ATXN1: variants seen among roughly 807,000 people sequenced by gnomAD.
ATXN1 encodes ataxin-1.
In ATXN1, 8 loss-of-function variants were observed where a neutral mutation model predicts 56.4. The observed-to-expected ratio is 0.14, with a 90% confidence interval of 0.08 to 0.26. ATXN1 has a LOEUF of 0.26. ATXN1 is among the 10% of genes least tolerant of loss of function. ATXN1 has a pLI of 1.00. For synonymous variants in ATXN1, 514 were observed against 494.6 expected (o/e 1.04, Z -0.52); for missense variants, 987 against 1,106.5 (o/e 0.89, Z 1.53).
intron 5 of ATXN1, among the ~76,000 whole-genome samples, chr6:16,519,740 TG>T (rs1761250671): frequency 6.6e-6 from 1 of 152,160 alleles, no homozygotes; most frequent in African/African-American, 2.4e-5. Context: ...TCCTTTCAAT[TG>T]CTAAGACAGG....
At chr6:16,419,467 T>A (rs1462918105) in intron 6 of ATXN1, among the ~76,000 whole-genome samples, 1 of 151,862 alleles carries the variant, frequency 6.6e-6, no homozygotes, top group Non-Finnish European at 1.5e-5. Context: ...TAAATATTTT[T>A]ATAATATTTT....
chr6:16,675,374 G>A (rs1460936762), intron 2 of ATXN1, among the ~76,000 whole-genome samples: 3 of 152,084 alleles, frequency 2.0e-5, no homozygotes, highest in Non-Finnish European at 4.4e-5. Context: ...ACATGACTGA[G>A]GATCTAAGAG....
At chr6:16,466,699 A>G (rs936168630) in intron 6 of ATXN1, among the ~76,000 whole-genome samples, 7 of 151,998 alleles carry the variant, frequency 4.6e-5, no homozygotes, top group East Asian at 1.9e-4. Flanking sequence ...ATTTATTTGT[A>G]TATATATATA....
intron 2 of ATXN1, among the ~76,000 whole-genome samples, chr6:16,665,397 T>C (rs1758403691): frequency 6.6e-6 from 1 of 152,192 alleles, no homozygotes; most frequent in Admixed American, 6.5e-5. Flanking sequence ...ACACATTTCA[T>C]TACACAATAT....
At chr6:16,649,544 G>A (rs1040061432) in intron 3 of ATXN1, among the ~76,000 whole-genome samples, 1 of 152,232 alleles carries the variant, frequency 6.6e-6, no homozygotes, top group Non-Finnish European at 1.5e-5. Flanking sequence ...TGAAGCTGAA[G>A]CAATTCTATC....
intron 4 of ATXN1, among the ~76,000 whole-genome samples, chr6:16,530,606 G>A (rs1200990197): frequency 6.6e-6 from 1 of 152,170 alleles, no homozygotes; most frequent in African/African-American, 2.4e-5. Flanking sequence ...CTACTGGAGG[G>A]TGGAGGTGGG....
chr6:16,307,159 CA>C (rs1760270274), intron 7 of ATXN1, among the ~76,000 whole-genome samples: 1 of 152,242 alleles, frequency 6.6e-6, no homozygotes, highest in Admixed American at 6.5e-5. Context: ...TAGAACCAGT[CA>C]ATCGAACCCC....
At chr6:16,468,011 A>G (rs1760141330) in intron 6 of ATXN1, among the ~76,000 whole-genome samples, 1 of 152,168 alleles carries the variant, frequency 6.6e-6, no homozygotes, top group African/African-American at 2.4e-5. Context: ...TACCTATTAA[A>G]TAGGGAATTA....
At chr6:16,526,379 A>T (rs908035748) in intron 4 of ATXN1, among the ~76,000 whole-genome samples, 8 of 152,232 alleles carry the variant, frequency 5.3e-5, no homozygotes, top group African/African-American at 1.7e-4. Context: ...AAAAAGCCTT[A>T]ACAGCAAAAA....
chr6:16,728,675 T>A (rs1759903575), intron 2 of ATXN1, among the ~76,000 whole-genome samples: 4 of 152,190 alleles, frequency 2.6e-5, no homozygotes, highest in Non-Finnish European at 5.9e-5. Context: ...TCTTAGTCCT[T>A]ACATTGACTA....
intron 5 of ATXN1, among the ~76,000 whole-genome samples, chr6:16,490,027 T>C (rs1288254141): frequency 6.6e-6 from 1 of 151,548 alleles, no homozygotes; most frequent in East Asian, 1.9e-4. Flanking sequence ...TTCTGTCAAT[T>C]ACAGGGCCAG....
At chr6:16,394,824 C>T (rs947054569) in intron 6 of ATXN1, among the ~76,000 whole-genome samples, 1 of 152,136 alleles carries the variant, frequency 6.6e-6, no homozygotes. Flanking sequence ...TTTATGACTG[C>T]ATTTTCCACG....
chr6:16,693,636 T>C (rs957166397), intron 2 of ATXN1, among the ~76,000 whole-genome samples: 2 of 152,022 alleles, frequency 1.3e-5, no homozygotes, highest in African/African-American at 4.8e-5. Context: ...ATTAACTACC[T>C]CCTTCTGCAC....
At chr6:16,399,701 C>T (rs1179866379) in intron 6 of ATXN1, among the ~76,000 whole-genome samples, 1 of 152,112 alleles carries the variant, frequency 6.6e-6, no homozygotes, top group Non-Finnish European at 1.5e-5. Context: ...GTCACAACTG[C>T]CGGGTGCTAC....
chr6:16,517,703 C>T (rs1761211686), intron 5 of ATXN1, among the ~76,000 whole-genome samples: 1 of 152,132 alleles, frequency 6.6e-6, no homozygotes, highest in Non-Finnish European at 1.5e-5. Flanking sequence ...TACATATGCA[C>T]AAAAGGATAC....
In ATXN1 at chr6:16,508,108, C is replaced by T. The variant is rs572238789; in HGVS notation, c.-299+14519G>A. Among the ~76,000 whole-genome samples the T allele has an allele frequency of 6.6e-5, 10 of 152,010 alleles. No individual in the cohort carries two copies. The East Asian group carries it at 7.7e-4, about 12-fold the overall frequency. ...ATGGGGTCTCAACAAATGTAACCAA[C>T]GAATATAGGAATGGGCACTTGCGGC... On this transcript the variant is annotated intron_variant, in intron 5 of 7. Transcript: ENST00000436367.
At chr6:16,456,194 C>CCATTCT (rs1759868610) in intron 6 of ATXN1, among the ~76,000 whole-genome samples, 1 of 152,194 alleles carries the variant, frequency 6.6e-6, no homozygotes, top group Non-Finnish European at 1.5e-5. Flanking sequence ...GTCCGTGCCT[C>CCATTCT]CATTCTTGAA....
At chr6:16,419,140 G>T (rs1758977492) in intron 6 of ATXN1, among the ~76,000 whole-genome samples, 1 of 152,110 alleles carries the variant, frequency 6.6e-6, no homozygotes, top group Non-Finnish European at 1.5e-5. Flanking sequence ...TTTGAGATGG[G>T]TTCTTGCTAT....
intron 2 of ATXN1, among the ~76,000 whole-genome samples, chr6:16,686,813 AC>A (rs1758928613): frequency 6.6e-6 from 1 of 152,240 alleles, no homozygotes; most frequent in South Asian, 2.1e-4. Flanking sequence ...AGAAATATTT[AC>A]TGAGAACCTC....
Sources: allele counts gnomAD v4.1 joint callset (sites outside exome capture counted in the v4.1 genomes callset), GRCh38; gene constraint gnomAD v4.1.1; transcripts MANE v1.5; gene names NCBI Gene and HGNC (gene_info 2026-07-23, HGNC 2026-07-21).